The following EPB41 variants were observed in gnomAD, a reference collection of about 807,000 sequenced individuals.
EPB41 encodes the protein erythrocyte membrane protein band 4.1.
In EPB41, 65 loss-of-function variants were observed where a neutral mutation model predicts 108.0. That is an observed-to-expected ratio of 0.60 (90% CI 0.49 to 0.74). The LOEUF is 0.74. Among genes scored for constraint, EPB41 ranks in the 30% least tolerant of loss-of-function variants. The pLI is 0.00. For synonymous variants in EPB41, 336 were observed against 358.9 expected, an observed-to-expected ratio of 0.94 and a Z score of 0.72; for missense variants, 875 against 1,037.0, an observed-to-expected ratio of 0.84 and a Z score of 2.15.
At chr1:29,087,657 G>A (rs1003405179) in intron 16 of EPB41, among the ~76,000 whole-genome samples, 2 of 151,984 alleles carry the variant, frequency 1.3e-5, no homozygotes, top group South Asian at 2.1e-4. Context: ...CACTGCGCCC[G>A]GCCCATATCC....
chr1:28,971,082 A>C (rs2095481812), intron 1 of EPB41, among the ~76,000 whole-genome samples: 1 of 150,434 alleles, frequency 6.6e-6, no homozygotes, highest in Non-Finnish European at 1.5e-5. Flanking sequence ...TCTTGACCTC[A>C]TGTGATCTGC....
chr1:29,039,492 T>TTATC, intron 11 of EPB41, 66 bp downstream of exon 11: 1 of 1,594,920 alleles, frequency 6.3e-7, no homozygotes, highest in Non-Finnish European at 8.6e-7. Flanking sequence ...GGAAGTGCAA[T>TTATC]TATCTATAAG....
rs536293498 is a variant in EPB41 at position 29,119,006 on chromosome 1, T to C, written c.*2194T>C. ...AGTGTCCCTTTAAAAACTAACCCAC[T>C]GAATATTCCGTGTGATCTAGAACAG... On this transcript the variant is annotated 3_prime_UTR_variant, in exon 21 of 21. Transcript: ENST00000343067. 3 of 152,238 alleles carry C rather than the reference T, an allele frequency of 2.0e-5. No homozygotes were observed. Among genetic ancestry groups the C allele is most frequent in the Non-Finnish European group, 4.4e-5 (3 of 68,068 alleles). The allele number at this position is 152,238 out of a possible 1,614,324, so 9.4% of individuals were successfully genotyped here.
intron 1 of EPB41, among the ~76,000 whole-genome samples, chr1:28,943,578 G>C (rs757950853): frequency 6.6e-6 from 1 of 152,112 alleles, no homozygotes; most frequent in Non-Finnish European, 1.5e-5. Flanking sequence ...GAACCTGGGA[G>C]GCGGAGGCTG....
chr1:28,965,286 G>A (rs1268890246), intron 1 of EPB41, among the ~76,000 whole-genome samples: 4 of 151,944 alleles, frequency 2.6e-5, no homozygotes, highest in African/African-American at 9.7e-5. Context: ...TTTTGATCTT[G>A]TAATTCTCAT....
intron 7 of EPB41, among the ~76,000 whole-genome samples, chr1:29,029,923 T>A (rs2096767706): frequency 6.6e-6 from 1 of 152,186 alleles, no homozygotes; most frequent in African/African-American, 2.4e-5. Flanking sequence ...GCTGCCCTCT[T>A]GTTTAATTTC....
In EPB41 at chr1:28,904,669, G is replaced by A. The variant is rs567355910; in HGVS notation, c.-8+17459G>A. Among the ~76,000 whole-genome samples the A allele has an allele frequency of 1.5e-4, 22 of 151,532 alleles. No homozygotes were observed. The South Asian group carries it at 2.5e-3, about 17-fold the overall frequency. On this transcript the variant is annotated intron_variant, in intron 1 of 16. Transcript: ENST00000347529. The stretch of plus-strand genomic sequence containing the variant: ...TCCCAGTACTTTGGGAGGCGGAGGC[G>A]GGTGGATTACCTGAGGTCAGGAGTT...
At chr1:28,942,098 A>T (rs1471114703) in intron 1 of EPB41, among the ~76,000 whole-genome samples, 1 of 152,190 alleles carries the variant, frequency 6.6e-6, no homozygotes, top group African/African-American at 2.4e-5. Flanking sequence ...AAGTACAGAG[A>T]TAACAAAAAC....
intron 5 of EPB41, among the ~76,000 whole-genome samples, chr1:29,015,085 G>A (rs2150007973): frequency 6.6e-6 from 1 of 152,288 alleles, no homozygotes; most frequent in East Asian, 1.9e-4. Flanking sequence ...ATGAGCCACT[G>A]TGCCCAGCCT....
intron 16 of EPB41, among the ~76,000 whole-genome samples, chr1:29,087,058 C>A (rs1573763540): frequency 6.7e-6 from 1 of 149,360 alleles, no homozygotes; most frequent in East Asian, 2.0e-4. Context: ...CATTCTCCTG[C>A]CTCAGCCTGA....
chr1:28,887,139 G>A, upstream of EPB41: 1 of 983,676 alleles, frequency 1.0e-6, no homozygotes, highest in South Asian at 1.3e-5. The surrounding 1 kb of genome is among the most constrained non-coding windows in gnomAD (Gnocchi z 4.9). Flanking sequence ...AAAGTGGCAG[G>A]AACCTCTTAA....
chr1:29,031,105 G>A (rs986273505), intron 8 of EPB41, among the ~76,000 whole-genome samples: 25 of 152,102 alleles, frequency 1.6e-4, no homozygotes, highest in Non-Finnish European at 3.4e-4. Flanking sequence ...CACCGTGCCC[G>A]GCCTCTTGTT....
intron 16 of EPB41, among the ~76,000 whole-genome samples, chr1:29,078,913 TAAAG>T (rs1655219893): frequency 6.6e-6 from 1 of 152,022 alleles, no homozygotes; most frequent in East Asian, 1.9e-4. Flanking sequence ...CCCTAAAGAA[TAAAG>T]AAACCACAAT....
At chr1:29,016,502 T>C (rs2096581480) in intron 6 of EPB41, among the ~76,000 whole-genome samples, 1 of 152,022 alleles carries the variant, frequency 6.6e-6, no homozygotes, top group Non-Finnish European at 1.5e-5. Context: ...CCATCTTCCT[T>C]CTTATAGGTA....
chr1:28,934,666 T>TGTGTG (rs150713423), intron 1 of EPB41, among the ~76,000 whole-genome samples: 1 of 136,308 alleles, frequency 7.3e-6, no homozygotes, highest in African/African-American at 2.9e-5. Flanking sequence ...TCTTTTGACA[T>TGTGTG]TGTGTGTGTG....
At chr1:29,098,045 C>T in intron 17 of EPB41, 110 bp downstream of exon 17, 1 of 1,495,964 alleles carries the variant, frequency 6.7e-7, no homozygotes, top group East Asian at 2.3e-5. Flanking sequence ...TTTTCTGGGG[C>T]AGTTCTTTTT....
intron 15 of EPB41, 152 bp from the exon 16 acceptor site, chr1:29,064,830 T>A: frequency 2.1e-6 from 2 of 934,084 alleles, no homozygotes; most frequent in Non-Finnish European, 3.2e-6. Flanking sequence ...AAATATACCA[T>A]GTTGTATATT....
At position 29,024,698 on chromosome 1, in the gene EPB41, A is replaced by G. The variant is rs11807517; in HGVS notation, c.1125-5702A>G. Reference sequence around the variant, plus strand: ...AAAAAATTCTTATCCTCACTTCACAAGTGATGAATGTATGTGTCTTGGTTT... The same window carrying G: ...AAAAAATTCTTATCCTCACTTCACAGGTGATGAATGTATGTGTCTTGGTTT... On this transcript the variant is annotated intron_variant, in intron 7 of 20. Coordinates refer to ENST00000343067, the MANE Select transcript of EPB41 (RefSeq NM_001376013.1). Among the ~76,000 whole-genome samples, 1,045 of 152,098 alleles carry G rather than the reference A, an allele frequency of 6.9e-3. 23 individuals are homozygous for G. Among genetic ancestry groups the G allele is most frequent in the African/African-American group, 0.024 (984 of 41,418 alleles).
intron 1 of EPB41, among the ~76,000 whole-genome samples, chr1:28,961,186 T>C (rs1028043657): frequency 6.6e-6 from 1 of 152,130 alleles, no homozygotes; most frequent in Non-Finnish European, 1.5e-5. Context: ...ACAAACAAAC[T>C]TGTTAGAATT....
Sources: gnomAD v4.1 joint callset for allele counts (sites outside exome capture counted in the v4.1 genomes callset) on GRCh38, gnomAD v4.1.1 for gene constraint, Gnocchi (gnomAD v3.1) non-coding constraint, MANE v1.5 for transcripts, NCBI Gene and HGNC (gene_info 2026-07-23, HGNC 2026-07-21) for gene names.